PRKN: variants seen among roughly 807,000 people sequenced by gnomAD.
PRKN encodes parkin RBR E3 ubiquitin protein ligase, also known as E3 ubiquitin-protein ligase parkin.
PRKN carries 56 observed loss-of-function variants against 59.5 expected under a neutral mutation model. The observed-to-expected ratio is 0.94, with a 90% CI of 0.76 to 1.18. The LOEUF is 1.18. Among genes scored for constraint, PRKN ranks in the 50% most tolerant of loss-of-function variants. The pLI is 0.00. For missense variants in PRKN, 657 were observed against 596.4 expected, an observed-to-expected ratio of 1.10 and a Z score of -1.06; for synonymous variants, 250 against 222.1, an observed-to-expected ratio of 1.13 and a Z score of -1.12.
chr6:161,948,092 T>C (rs1779849079), intron 6 of PRKN, among the ~76,000 whole-genome samples: 1 of 152,076 alleles, frequency 6.6e-6, no homozygotes, highest in South Asian at 2.1e-4. Flanking sequence ...TTCAAGCGCT[T>C]CTCCTGCCTC....
At chr6:162,192,741 T>C (rs115926275) in intron 4 of PRKN, among the ~76,000 whole-genome samples, 1,701 of 152,238 alleles carry the variant, frequency 0.011, 26 homozygotes, top group African/African-American at 0.039. Context: ...TGTTTTAAAA[T>C]ATATACACAT....
chr6:162,441,894 A>C (rs1359572163), intron 2 of PRKN, among the ~76,000 whole-genome samples: 1 of 152,226 alleles, frequency 6.6e-6, no homozygotes, highest in East Asian at 1.9e-4. Context: ...AGGTTTTGGC[A>C]ATATAAAATG....
Position 161,518,742 on chromosome 6 carries a change from G to A in PRKN, c.1083+30112C>T, listed in dbSNP as rs1459821196. On this transcript the variant is annotated intron_variant, in intron 9 of 11. Coordinates refer to ENST00000366898, the MANE Select transcript of PRKN (RefSeq NM_004562.3). The surrounding 1 kb of genome is among the most constrained non-coding windows in gnomAD (Gnocchi z 5.0). ...GCCTGCTGCAGAGGGCCGGCGGTGT[G>A]CCTTGATACTTGGCTATGCATCCCA... Among the ~76,000 whole-genome samples the A allele has an allele frequency of 6.6e-6, 1 of 152,170 alleles. No individual in the cohort carries two copies. Among genetic ancestry groups the A allele is most frequent in the East Asian group, 1.9e-4 (1 of 5,188 alleles).
intron 2 of PRKN, among the ~76,000 whole-genome samples, chr6:162,304,535 CTATCTATCTATTT>C (rs1562655149): frequency 0.046 from 5,981 of 130,578 alleles, 398 homozygotes; most frequent in African/African-American, 0.11. Context: ...ATCTATCTAT[CTATCTATCTATTT>C]ATCCATCTGT....
chr6:162,243,966 T>C (rs1779096833), intron 3 of PRKN, among the ~76,000 whole-genome samples: 1 of 151,994 alleles, frequency 6.6e-6, no homozygotes, highest in Non-Finnish European at 1.5e-5. Context: ...TAAAAACACA[T>C]AAAACCAGAT....
At chr6:161,899,310 A>C (rs985442467) in intron 6 of PRKN, among the ~76,000 whole-genome samples, 4 of 152,226 alleles carry the variant, frequency 2.6e-5, no homozygotes, top group Non-Finnish European at 5.9e-5. Context: ...TATACAAATC[A>C]ATTTTTTACA....
intron 1 of PRKN, chr6:162,624,410 T>C (rs1782802977): frequency 6.6e-6 from 1 of 152,228 alleles, no homozygotes; most frequent in East Asian, 1.9e-4. Flanking sequence ...CTCATTTGTT[T>C]AACATTTCCA....
chr6:161,929,248 A>C (rs1779079296), intron 6 of PRKN, among the ~76,000 whole-genome samples: 1 of 152,242 alleles, frequency 6.6e-6, no homozygotes, highest in Admixed American at 6.5e-5. Flanking sequence ...GATTCCTTTT[A>C]TATGAAATGT....
At chr6:162,000,363 T>C (rs750181982) in intron 5 of PRKN, among the ~76,000 whole-genome samples, 3 of 150,210 alleles carry the variant, frequency 2.0e-5, no homozygotes, top group African/African-American at 7.6e-5. Context: ...TGGTATCTCA[T>C]TGTTTGTTTG....
intron 7 of PRKN, among the ~76,000 whole-genome samples, chr6:161,760,045 A>G (rs1167208615): frequency 7.1e-6 from 1 of 140,968 alleles, no homozygotes; most frequent in African/African-American, 2.7e-5. Context: ...TTGTCTCTAA[A>G]TATACCCTTT....
At chr6:161,937,542 T>C (rs567806466) in intron 6 of PRKN, among the ~76,000 whole-genome samples, 6 of 152,340 alleles carry the variant, frequency 3.9e-5, no homozygotes, top group South Asian at 2.1e-4. Flanking sequence ...TCAGAGATTT[T>C]TGGAAAAGCG....
chr6:161,932,233 C>T lies in PRKN; in HGVS notation c.734+41069G>A, dbSNP rs80343829. ...CTGATGTATCGTGTTAATTAAAAAG[C>T]AAACATACATATTGTTTTATGTTGG... is the stretch of plus-strand genomic sequence containing the variant. On this transcript the variant is annotated intron_variant, in intron 6 of 11. Coordinates refer to ENST00000366898, the MANE Select transcript of PRKN (RefSeq NM_004562.3). Among the ~76,000 whole-genome samples the T allele has an allele frequency of 6.1e-3, 931 of 152,074 alleles. 20 individuals carry two copies. Among genetic ancestry groups the T allele is most frequent in the African/African-American group, 0.02 (810 of 41,480 alleles).
intron 11 of PRKN, among the ~76,000 whole-genome samples, chr6:161,358,567 A>T (rs920158168): frequency 6.6e-6 from 1 of 152,196 alleles, no homozygotes; most frequent in East Asian, 2.0e-4. Context: ...GTGAACCGAG[A>T]TTACGCCATT....
chr6:161,601,307 C>T (rs1030894845), intron 7 of PRKN, among the ~76,000 whole-genome samples: 2 of 152,078 alleles, frequency 1.3e-5, no homozygotes, highest in African/African-American at 4.8e-5. Context: ...AAGGCTTCTT[C>T]CCCATTGGTA....
At chr6:162,218,458 G>T (rs1777796410) in intron 3 of PRKN, among the ~76,000 whole-genome samples, 1 of 152,190 alleles carries the variant, frequency 6.6e-6, no homozygotes, top group Non-Finnish European at 1.5e-5. Context: ...GAGCATGGCA[G>T]CCGGGGCTGG....
intron 2 of PRKN, among the ~76,000 whole-genome samples, chr6:162,407,649 T>C (rs1583519409): frequency 6.6e-6 from 1 of 152,300 alleles, no homozygotes; most frequent in East Asian, 1.9e-4. Flanking sequence ...TCAATTCTTA[T>C]CACCTGCTAG....
At chr6:162,225,166 C>T (rs1448595892) in intron 3 of PRKN, among the ~76,000 whole-genome samples, 2 of 152,132 alleles carry the variant, frequency 1.3e-5, no homozygotes, top group Non-Finnish European at 2.9e-5. Context: ...AAAGACAAAA[C>T]ACAAAGAGTG....
At position 161,349,640 on chromosome 6, in the gene PRKN, A is replaced by G. The variant is rs1784442048; in HGVS notation, c.*459T>C. 7.5e-6 allele frequency: 2 copies of G among 266,964 alleles called. No homozygotes were observed. The highest frequency in any genetic ancestry group is 9.8e-5 in the Admixed American group (2 of 20,426). 16.5% of individuals were successfully genotyped at this position (266,964 alleles called of 1,614,324 possible). A position where few individuals can be genotyped will look rare whatever the true frequency, so the allele number is the denominator to read the frequency against. ...CATTTTACAGAGAAACACCTTGTCA[A>G]TGGCATCTTCATGGTGTTTACTGAA... On this transcript the variant is annotated 3_prime_UTR_variant, in exon 12 of 12. Coordinates refer to ENST00000366898, the MANE Select transcript of PRKN (RefSeq NM_004562.3). The surrounding 1 kb of genome is among the most constrained non-coding windows in gnomAD (Gnocchi z 5.5).
rs193072367 is a variant in PRKN, at chr6:162,483,285, C to T, written c.8-39812G>A. On this transcript the variant is annotated intron_variant, in intron 1 of 11. Transcript: ENST00000366898. The stretch of plus-strand genomic sequence containing the variant: ...TTGGGTGAGACACCTGTGAAGGAAG[C>T]GGGGATGGATTCTTTGGGGAGTTGC... Among the ~76,000 whole-genome samples the T allele has an allele frequency of 1.8e-4, 28 of 152,086 alleles. No individual in the cohort carries two copies. In the South Asian group the frequency reaches 2.5e-3, roughly 14 times the overall value.
Sources: gnomAD v4.1 joint callset for allele counts (sites outside exome capture counted in the v4.1 genomes callset) on GRCh38, gnomAD v4.1.1 for gene constraint, Gnocchi (gnomAD v3.1) non-coding constraint, MANE v1.5 for transcripts, NCBI Gene and HGNC (gene_info 2026-07-23, HGNC 2026-07-21) for gene names.